Variants in SUGCT observed in about 807,000 individuals in gnomAD.
SUGCT encodes the protein succinyl-CoA:glutarate-CoA transferase.
Under a neutral mutation model 55.0 loss-of-function variants are expected in SUGCT, and 41 were observed. That is an observed-to-expected ratio of 0.74 (90% confidence interval 0.58 to 0.97). The LOEUF (loss-of-function observed/expected upper bound fraction) is 0.97. Among genes scored for constraint, SUGCT ranks in the 50% least tolerant of loss-of-function variants. The pLI is 0.00. For synonymous variants in SUGCT, 187 were observed against 200.4 expected (o/e 0.93, Z 0.56); for missense variants, 568 against 547.8 (o/e 1.04, Z -0.37).
At chr7:40,216,109 C>CT (rs74272038) in intron 6 of SUGCT, among the ~76,000 whole-genome samples, 10,308 of 128,116 alleles carry the variant, frequency 0.08, 996 homozygotes, top group African/African-American at 0.25. Context: ...CAGAGAAAGG[C>CT]TTTTTTTTTT....
intron 9 of SUGCT, among the ~76,000 whole-genome samples, chr7:40,356,905 T>A (rs1248947126): frequency 6.6e-6 from 1 of 152,230 alleles, no homozygotes; most frequent in Admixed American, 6.5e-5. Context: ...ATAATTTGCC[T>A]TATTTTCAAA....
In SUGCT at chr7:40,707,862, T is replaced by C. The variant is rs184111158; in HGVS notation, c.1090-41572T>C. 3.6e-3 allele frequency among the ~76,000 whole-genome samples: 545 copies of C among 152,346 alleles called. 1 individual carries two copies. Among genetic ancestry groups the C allele is most frequent in the Middle Eastern group, 0.02 (6 of 294 alleles). ...TTGACTTCTTTTGTTAAAACTTGGT[T>C]GTAATATAAATCATAATGGAAATAT... On this transcript the variant is annotated intron_variant, in intron 12 of 13. Coordinates refer to ENST00000335693, the MANE Select transcript of SUGCT (RefSeq NM_001193313.2).
At chr7:40,366,896 C>T (rs1784005573) in intron 9 of SUGCT, among the ~76,000 whole-genome samples, 6 of 152,160 alleles carry the variant, frequency 3.9e-5, no homozygotes, top group Admixed American at 2.0e-4. Context: ...ACCATTTGAC[C>T]CAGCCATCCC....
At chr7:40,570,738 G>T (rs1562869221) in intron 12 of SUGCT, among the ~76,000 whole-genome samples, 1 of 150,938 alleles carries the variant, frequency 6.6e-6, no homozygotes, top group Non-Finnish European at 1.5e-5. Flanking sequence ...AAAGTCTTCT[G>T]TTGGGCTGGA....
In SUGCT at chr7:40,150,670, CAACAAAACAAAACAA is replaced by C. The variant is rs140041088; in HGVS notation, c.100+15567_100+15581del. 2.0e-5 allele frequency among the ~76,000 whole-genome samples: 3 copies of C among 151,928 alleles called. No individual in the cohort carries two copies. In the East Asian group the frequency reaches 5.8e-4, roughly 29 times the overall value. ...TGGGGAACAAGAGCGAAACTACACA[CAACAAAACAAAACAA>C]AACAAAACAAAACAAACTCTGCTCC... On this transcript the variant is annotated intron_variant, in intron 1 of 13. Transcript: ENST00000335693.
At chr7:40,859,603 G>T (rs996542969) in intron 13 of SUGCT, among the ~76,000 whole-genome samples, 5 of 152,194 alleles carry the variant, frequency 3.3e-5, no homozygotes, top group Non-Finnish European at 1.5e-5. Flanking sequence ...ATTAGCATGG[G>T]TTAGGGAATG....
chr7:40,430,593 T>G (rs986588534), intron 9 of SUGCT, among the ~76,000 whole-genome samples: 1 of 152,212 alleles, frequency 6.6e-6, no homozygotes, highest in Non-Finnish European at 1.5e-5. Flanking sequence ...TTGCATAGAT[T>G]GTTTTCCCAA....
intron 12 of SUGCT, among the ~76,000 whole-genome samples, chr7:40,619,551 A>ATAATTATATATT (rs1799168103): frequency 6.6e-6 from 1 of 152,196 alleles, no homozygotes; most frequent in Non-Finnish European, 1.5e-5. Flanking sequence ...TTTATATATT[A>ATAATTATATATT]ATAATGCATG....
chr7:40,216,186 A>T (rs1787626582), intron 6 of SUGCT, among the ~76,000 whole-genome samples: 1 of 151,198 alleles, frequency 6.6e-6, no homozygotes, highest in African/African-American at 2.4e-5. Context: ...GTCTTGGGGC[A>T]GATTCACAAA....
At chr7:40,633,051 G>C (rs1055466701) in intron 12 of SUGCT, among the ~76,000 whole-genome samples, 12 of 152,164 alleles carry the variant, frequency 7.9e-5, no homozygotes, top group African/African-American at 2.7e-4. Flanking sequence ...TCCCTAGGAG[G>C]ATAGCTTCAA....
At chr7:40,736,674 T>C (rs183189969) in intron 12 of SUGCT, among the ~76,000 whole-genome samples, 1 of 151,548 alleles carries the variant, frequency 6.6e-6, no homozygotes, top group Non-Finnish European at 1.5e-5. Context: ...CAGAAGACAA[T>C]GGAATAATAT....
chr7:40,340,262 A>G (rs932856182), intron 9 of SUGCT, among the ~76,000 whole-genome samples: 1 of 152,150 alleles, frequency 6.6e-6, no homozygotes, highest in African/African-American at 2.4e-5. Context: ...ATTATACTGG[A>G]CTTGGGCCTA....
In SUGCT at chr7:40,697,830, A is replaced by C. The variant is rs114286892; in HGVS notation, c.1090-51604A>C. ...GGCTCATACTACACCTTATTGCTCA[A>C]TCATTCAGCTAGTCAGACAGCCAAC... On this transcript the variant is annotated intron_variant, in intron 12 of 13. Transcript: ENST00000335693. Among the ~76,000 whole-genome samples the C allele has an allele frequency of 2.5e-3, 384 of 152,264 alleles. 2 individuals carry two copies. Among genetic ancestry groups the C allele is most frequent in the African/African-American group, 8.5e-3 (354 of 41,544 alleles).
the SUGCT span, among the ~76,000 whole-genome samples, chr7:40,962,719 G>A: frequency 2.6e-5 from 4 of 151,804 alleles, no homozygotes; most frequent in Non-Finnish European, 5.9e-5. Flanking sequence ...AATACAATGG[G>A]AAAAGGGTGG....
the SUGCT span, among the ~76,000 whole-genome samples, chr7:41,026,999 T>A: frequency 1.4e-3 from 220 of 152,222 alleles, 1 homozygote; most frequent in African/African-American, 5.1e-3. Flanking sequence ...GCCATTGCAC[T>A]CCAGCCTGGG....
At chr7:40,175,659 A>G (rs1461119781) in intron 1 of SUGCT, among the ~76,000 whole-genome samples, 1 of 152,120 alleles carries the variant, frequency 6.6e-6, no homozygotes, top group African/African-American at 2.4e-5. Flanking sequence ...AAGGCACATC[A>G]TGGCCTTCTT....
chr7:40,994,289 A>C, the SUGCT span, among the ~76,000 whole-genome samples: 1 of 152,204 alleles, frequency 6.6e-6, no homozygotes, highest in African/African-American at 2.4e-5. Context: ...AAAAGGATGG[A>C]GTTCAGTTTC....
At chr7:40,693,107 G>A (rs544060773) in intron 12 of SUGCT, among the ~76,000 whole-genome samples, 2 of 152,266 alleles carry the variant, frequency 1.3e-5, no homozygotes, top group South Asian at 2.1e-4. Context: ...CGCCCTAGTA[G>A]CCATTGTTTC....
At chr7:40,608,952 C>T (rs1351496324) in intron 12 of SUGCT, among the ~76,000 whole-genome samples, 2 of 152,096 alleles carry the variant, frequency 1.3e-5, no homozygotes, top group Non-Finnish European at 2.9e-5. Context: ...ACTACAATGC[C>T]AGTTTGTCTT....
Sources: allele counts gnomAD v4.1 joint callset (sites outside exome capture counted in the v4.1 genomes callset), GRCh38; gene constraint gnomAD v4.1.1; transcripts MANE v1.5; gene names NCBI Gene and HGNC (gene_info 2026-07-23, HGNC 2026-07-21).